Variants in CNNM2 observed in about 807,000 individuals in gnomAD.
The protein encoded by CNNM2 is cyclin and CBS domain divalent metal cation transport mediator 2, also known as metal transporter CNNM2.
CNNM2 carries 12 observed loss-of-function variants against 66.9 expected under a neutral mutation model. That is an observed-to-expected ratio of 0.18 (90% confidence interval 0.11 to 0.29). The LOEUF (loss-of-function observed/expected upper bound fraction) is 0.29. CNNM2 is among the 10% of genes least tolerant of loss of function. CNNM2 has a pLI of 1.00. For missense variants in CNNM2, 705 were observed against 1,167.7 expected (o/e 0.60, Z 5.77); for synonymous variants, 557 against 501.8 (o/e 1.11, Z -1.47).
intron 1 of CNNM2, among the ~76,000 whole-genome samples, chr10:102,984,142 A>C (rs906255727): frequency 6.6e-6 from 1 of 152,230 alleles, no homozygotes; most frequent in African/African-American, 2.4e-5. Context: ...GAATGCATGT[A>C]GTTATGGATG....
rs779331460 is a variant in CNNM2 at position 103,077,423 on chromosome 10, C to T, written c.*243C>T. 1.2e-5 allele frequency: 6 copies of T among 485,718 alleles called. No homozygotes were observed. The highest frequency in any genetic ancestry group is 6.9e-5 in the Admixed American group (2 of 29,038). The allele number at this position is 485,718 out of a possible 1,614,324, so 30.1% of individuals were successfully genotyped here. A position where few individuals can be genotyped will look rare whatever the true frequency, so the allele number is the denominator to read the frequency against. On this transcript the variant is annotated 3_prime_UTR_variant, in exon 8 of 8. Transcript: ENST00000369878. ...CAAGATTTTGGAGATGAACTGATTC[C>T]GCCCAAATAGAATCATGTTTATTTT...
At chr10:102,930,654 C>T (rs1350190446) in intron 1 of CNNM2, among the ~76,000 whole-genome samples, 1 of 152,198 alleles carries the variant, frequency 6.6e-6, no homozygotes, top group Non-Finnish European at 1.5e-5. Context: ...TGTCTACTTA[C>T]AGAACATTTT....
At position 103,077,849 on chromosome 10, in the gene CNNM2, C is replaced by G. The variant is rs1403708004; in HGVS notation, c.*669C>G. 1 of 152,688 alleles carries G rather than the reference C, an allele frequency of 6.5e-6. No homozygotes were observed. The highest frequency in any genetic ancestry group is 1.5e-5 in the Non-Finnish European group (1 of 68,062). 9.5% of individuals were successfully genotyped at this position (152,688 alleles called of 1,614,324 possible). ...GAGAATTTAATGTTTAACTGTACCC[C>G]TTTCCCTCAGGAAGATTTAACATTT... On this transcript the variant is annotated 3_prime_UTR_variant, in exon 8 of 8. Coordinates refer to ENST00000369878, the MANE Select transcript of CNNM2 (RefSeq NM_017649.5).
Position 103,089,914 on chromosome 10 carries a change from C to T in CNNM2, c.*12734C>T. 1.3e-6 allele frequency: 2 copies of T among 1,575,192 alleles called. No homozygotes were observed. The highest frequency in any genetic ancestry group is 1.7e-6 in the Non-Finnish European group (2 of 1,159,882). Reference sequence around the variant, plus strand: ...ACCGTTGATTCATGAGGCATCTAGACAGAAAAAAGCTAGAGGCTCAGAAAG... The same window carrying T: ...ACCGTTGATTCATGAGGCATCTAGATAGAAAAAAGCTAGAGGCTCAGAAAG... On this transcript the variant is annotated 3_prime_UTR_variant, in exon 8 of 8. Coordinates refer to ENST00000369878, the MANE Select transcript of CNNM2 (RefSeq NM_017649.5).
chr10:103,032,096 T>C (rs2064835504), intron 1 of CNNM2, among the ~76,000 whole-genome samples: 2 of 152,180 alleles, frequency 1.3e-5, no homozygotes, highest in African/African-American at 4.8e-5. Flanking sequence ...TCCAACACTG[T>C]CAGAGGACCC....
At chr10:103,037,943 G>A (rs989231618) in intron 1 of CNNM2, among the ~76,000 whole-genome samples, 2 of 151,930 alleles carry the variant, frequency 1.3e-5, no homozygotes, top group Non-Finnish European at 2.9e-5. Flanking sequence ...GGGTTCAAGC[G>A]ATTCTCCTGC....
intron 1 of CNNM2, among the ~76,000 whole-genome samples, chr10:103,033,591 G>A (rs760091441): frequency 3.9e-5 from 6 of 152,104 alleles, no homozygotes; most frequent in Admixed American, 1.3e-4. Context: ...AAATACATCC[G>A]TCTCTACAAC....
At chr10:102,975,922 C>G (rs2063621653) in intron 1 of CNNM2, among the ~76,000 whole-genome samples, 1 of 152,174 alleles carries the variant, frequency 6.6e-6, no homozygotes, top group South Asian at 2.1e-4. Context: ...AATAAGTTTT[C>G]ACCATAGGGG....
intron 1 of CNNM2, among the ~76,000 whole-genome samples, chr10:102,929,869 A>C (rs986799737): frequency 3.9e-5 from 6 of 152,238 alleles, no homozygotes; most frequent in African/African-American, 1.4e-4. Context: ...GAAGATCAAA[A>C]AAGATAAAAT....
intron 1 of CNNM2, 22 bp downstream of exon 1, chr10:102,920,123 CAT>C: frequency 3.7e-6 from 6 of 1,614,178 alleles, no homozygotes; most frequent in Non-Finnish European, 5.1e-6. Flanking sequence ...TGGTCTCTTT[CAT>C]TGGCTTGCTC....
intron 1 of CNNM2, among the ~76,000 whole-genome samples, chr10:102,943,591 G>A (rs912499651): frequency 6.6e-5 from 10 of 151,928 alleles, no homozygotes; most frequent in Admixed American, 5.2e-4. Context: ...GGAAAAAAAC[G>A]CACAAAAAAA....
chr10:102,924,714 C>T (rs1845788399), intron 1 of CNNM2, among the ~76,000 whole-genome samples: 1 of 151,890 alleles, frequency 6.6e-6, no homozygotes, highest in Non-Finnish European at 1.5e-5. Flanking sequence ...AAGCAATCCT[C>T]CCATCTGAGC....
chr10:103,011,995 G>A (rs997159363), intron 1 of CNNM2, among the ~76,000 whole-genome samples: 6 of 151,920 alleles, frequency 3.9e-5, no homozygotes, highest in Non-Finnish European at 8.8e-5. Context: ...CCAGCCTAAT[G>A]TATACAATTT....
chr10:102,963,754 C>T lies in CNNM2; in HGVS notation c.1621+43653C>T, dbSNP rs184558700. Among the ~76,000 whole-genome samples the T allele has an allele frequency of 1.2e-3, 178 of 152,030 alleles. 1 individual carries two copies. The highest frequency in any genetic ancestry group is 1.8e-3 in the Non-Finnish European group (124 of 68,002). On this transcript the variant is annotated intron_variant, in intron 1 of 7. Coordinates refer to ENST00000369878, the MANE Select transcript of CNNM2 (RefSeq NM_017649.5). The stretch of plus-strand genomic sequence containing the variant: ...ATTCAGCATCTGCTCTGCTAGATGC[C>T]GTGGGGCATATTGAAGTTGCTTAAA...
chr10:102,967,207 C>G (rs2063477232), intron 1 of CNNM2, among the ~76,000 whole-genome samples: 1 of 152,200 alleles, frequency 6.6e-6, no homozygotes, highest in Non-Finnish European at 1.5e-5. Flanking sequence ...CCCACCTCAG[C>G]CTCCTGAGTA....
At chr10:102,946,558 C>G (rs1246588448) in intron 1 of CNNM2, among the ~76,000 whole-genome samples, 3 of 152,036 alleles carry the variant, frequency 2.0e-5, no homozygotes, top group Non-Finnish European at 2.9e-5. Flanking sequence ...TTGTTTGAAT[C>G]AAAGTATTGT....
intron 1 of CNNM2, among the ~76,000 whole-genome samples, chr10:103,021,458 G>A (rs2064578178): frequency 6.6e-6 from 1 of 152,126 alleles, no homozygotes; most frequent in Non-Finnish European, 1.5e-5. Context: ...GTGGTGAGTC[G>A]ATGAAATTAG....
chr10:103,003,849 C>A (rs1473253023), intron 1 of CNNM2, among the ~76,000 whole-genome samples: 2 of 151,890 alleles, frequency 1.3e-5, no homozygotes, highest in African/African-American at 2.4e-5. Flanking sequence ...ATCAATTTTT[C>A]CTGTTTTTAT....
chr10:103,063,554 C>A (rs752412664), intron 4 of CNNM2, among the ~76,000 whole-genome samples: 2 of 152,214 alleles, frequency 1.3e-5, no homozygotes, highest in Non-Finnish European at 2.9e-5. Flanking sequence ...TGAAGCCAGA[C>A]ATGGCACGGG....
Sources: gnomAD v4.1 joint callset for allele counts (sites outside exome capture counted in the v4.1 genomes callset) on GRCh38, gnomAD v4.1.1 for gene constraint, MANE v1.5 for transcripts, NCBI Gene and HGNC (gene_info 2026-07-23, HGNC 2026-07-21) for gene names.